SUGCT: variants seen among roughly 807,000 people sequenced by gnomAD.
SUGCT encodes the protein succinyl-CoA:glutarate CoA-transferase.
SUGCT carries 41 observed loss-of-function variants against 55.0 expected under a neutral mutation model. The observed-to-expected ratio is 0.74, with a 90% CI of 0.58 to 0.97. The LOEUF (loss-of-function observed/expected upper bound fraction) is 0.97. SUGCT is among the 50% of genes least tolerant of loss of function. The pLI, the probability that SUGCT is intolerant of heterozygous loss-of-function variation, is 0.00. For missense variants in SUGCT, 568 were observed against 547.8 expected (o/e 1.04, Z -0.37); for synonymous variants, 187 against 200.4 (o/e 0.93, Z 0.56).
intron 12 of SUGCT, among the ~76,000 whole-genome samples, chr7:40,621,993 C>A: frequency 6.6e-6 from 1 of 152,176 alleles, no homozygotes; most frequent in South Asian, 2.1e-4. Flanking sequence ...TTAACAGCAT[C>A]GTTAGGCAGC....
At chr7:40,386,811 A>G (rs1159766653) in intron 9 of SUGCT, among the ~76,000 whole-genome samples, 1 of 152,124 alleles carries the variant, frequency 6.6e-6, no homozygotes, top group African/African-American at 2.4e-5. Context: ...TCCCATGCAG[A>G]TCCAACCTCT....
At chr7:40,938,130 C>T in the SUGCT span, among the ~76,000 whole-genome samples, 1 of 152,190 alleles carries the variant, frequency 6.6e-6, no homozygotes, top group Admixed American at 6.5e-5. Context: ...CTGCTACCAG[C>T]CTGCAGCCTG....
At chr7:40,733,533 C>G (rs897030809) in intron 12 of SUGCT, among the ~76,000 whole-genome samples, 1 of 152,154 alleles carries the variant, frequency 6.6e-6, no homozygotes, top group African/African-American at 2.4e-5. Flanking sequence ...TTAGGACCAC[C>G]ACCTTAGTGT....
At chr7:40,801,901 C>T (rs1044414079) in intron 13 of SUGCT, among the ~76,000 whole-genome samples, 3 of 151,744 alleles carry the variant, frequency 2.0e-5, no homozygotes, top group African/African-American at 7.3e-5. Flanking sequence ...CATAGACCAG[C>T]TTATATAGCT....
intron 12 of SUGCT, among the ~76,000 whole-genome samples, chr7:40,580,730 G>A (rs1336764324): frequency 6.6e-6 from 1 of 152,200 alleles, no homozygotes; most frequent in East Asian, 1.9e-4. Context: ...AGACCACATG[G>A]ACGGTGGTTC....
the SUGCT span, among the ~76,000 whole-genome samples, chr7:41,019,302 G>A: frequency 8.2e-4 from 125 of 152,268 alleles, no homozygotes; most frequent in South Asian, 2.3e-3. Context: ...GATGCACACC[G>A]ATTTACATGT....
intron 12 of SUGCT, among the ~76,000 whole-genome samples, chr7:40,740,917 G>A (rs994680085): frequency 1.3e-5 from 2 of 152,102 alleles, no homozygotes; most frequent in Non-Finnish European, 2.9e-5. Flanking sequence ...GAGAAATAAA[G>A]CCATAATTTC....
chr7:40,847,769 AG>A (rs1793647014), intron 13 of SUGCT, among the ~76,000 whole-genome samples: 3 of 152,198 alleles, frequency 2.0e-5, no homozygotes, highest in Non-Finnish European at 4.4e-5. Context: ...CCAACCCCGA[AG>A]GGACAAGGGT....
chr7:40,339,768 A>T (rs993121152), intron 9 of SUGCT, among the ~76,000 whole-genome samples: 10 of 152,152 alleles, frequency 6.6e-5, no homozygotes, highest in Non-Finnish European at 1.3e-4. Context: ...CTCACTGTCC[A>T]ACAAGTCCCA....
intron 12 of SUGCT, among the ~76,000 whole-genome samples, chr7:40,508,746 C>A (rs1792755725): frequency 6.6e-6 from 1 of 152,106 alleles, no homozygotes; most frequent in Non-Finnish European, 1.5e-5. Flanking sequence ...TGCTGTTTTG[C>A]TAAGAAGAGG....
At chr7:40,358,680 C>A (rs1490789345) in intron 9 of SUGCT, among the ~76,000 whole-genome samples, 1 of 151,982 alleles carries the variant, frequency 6.6e-6, no homozygotes, top group African/African-American at 2.4e-5. Context: ...TGCCACTGCA[C>A]TCCAGCCTGG....
At chr7:40,207,716 C>T (rs1787062633) in intron 6 of SUGCT, among the ~76,000 whole-genome samples, 1 of 151,872 alleles carries the variant, frequency 6.6e-6, no homozygotes, top group African/African-American at 2.4e-5. Flanking sequence ...GCTCTGGAGG[C>T]TGAGGCAGGA....
chr7:40,260,793 A>G (rs1286658545), intron 7 of SUGCT, among the ~76,000 whole-genome samples: 1 of 152,090 alleles, frequency 6.6e-6, no homozygotes. Context: ...CTGGGACTAC[A>G]GGTGTGCGCC....
intron 1 of SUGCT, among the ~76,000 whole-genome samples, chr7:40,140,246 A>G (rs1268860876): frequency 6.6e-6 from 1 of 151,998 alleles, no homozygotes; most frequent in African/African-American, 2.4e-5. Context: ...ATCCAGTTTC[A>G]TTCTTCTGCA....
chr7:40,394,247 G>T (rs566308170), intron 9 of SUGCT, among the ~76,000 whole-genome samples: 13 of 152,086 alleles, frequency 8.5e-5, no homozygotes, highest in African/African-American at 3.1e-4. Flanking sequence ...ATCTCCCCAG[G>T]TGATTTGACT....
intron 12 of SUGCT, among the ~76,000 whole-genome samples, chr7:40,670,445 A>G (rs1485053608): frequency 6.6e-6 from 1 of 152,170 alleles, no homozygotes; most frequent in Non-Finnish European, 1.5e-5. Flanking sequence ...GAAAGAACGT[A>G]CTAATGTCAG....
intron 13 of SUGCT, among the ~76,000 whole-genome samples, chr7:40,848,111 G>A (rs1453456143): frequency 2.0e-5 from 3 of 152,136 alleles, no homozygotes; most frequent in Non-Finnish European, 4.4e-5. Flanking sequence ...CCACACCGAT[G>A]GTGTAGATTA....
intron 12 of SUGCT, among the ~76,000 whole-genome samples, chr7:40,508,172 A>T (rs760686899): frequency 2.0e-5 from 3 of 152,102 alleles, no homozygotes; most frequent in Non-Finnish European, 2.9e-5. Flanking sequence ...CTGCTCTAAG[A>T]GTGAGAACTA....
chr7:40,337,748 A>G (rs1362129980), intron 9 of SUGCT, among the ~76,000 whole-genome samples: 1 of 152,026 alleles, frequency 6.6e-6, no homozygotes, highest in Non-Finnish European at 1.5e-5. Flanking sequence ...GCCCATTTAC[A>G]TTTAAGGTTA....
Sources: gnomAD v4.1 joint callset for allele counts (sites outside exome capture counted in the v4.1 genomes callset) on GRCh38, gnomAD v4.1.1 for gene constraint, MANE v1.5 for transcripts, NCBI Gene and HGNC (gene_info 2026-07-23, HGNC 2026-07-21) for gene names.